GALNTL6: variants seen among roughly 807,000 people sequenced by gnomAD.
GALNTL6 encodes polypeptide N-acetylgalactosaminyltransferase like 6, also known as polypeptide N-acetylgalactosaminyltransferase-like 6.
GALNTL6 carries 46 observed loss-of-function variants against 73.7 expected under a neutral mutation model. The observed-to-expected ratio is 0.62, with a 90% CI of 0.49 to 0.80. GALNTL6 has a LOEUF of 0.80. Among genes scored for constraint, GALNTL6 ranks in the 30% least tolerant of loss-of-function variants. The pLI is 0.00. For synonymous variants in GALNTL6, 259 were observed against 263.7 expected, an observed-to-expected ratio of 0.98 and a Z score of 0.17; for missense variants, 604 against 755.0, an observed-to-expected ratio of 0.80 and a Z score of 2.34.
intron 5 of GALNTL6, among the ~76,000 whole-genome samples, chr4:172,491,092 T>G (rs1360507419): frequency 6.6e-6 from 1 of 152,094 alleles, no homozygotes; most frequent in African/African-American, 2.4e-5. Context: ...GCATTTTACA[T>G]GTGAGAAAAC....
chr4:172,719,795 A>C (rs1298881436), intron 5 of GALNTL6, among the ~76,000 whole-genome samples: 1 of 152,172 alleles, frequency 6.6e-6, no homozygotes, highest in Non-Finnish European at 1.5e-5. Flanking sequence ...AAGTAAAGGA[A>C]TAAAAGAATG....
chr4:172,123,230 T>C (rs536838239), intron 2 of GALNTL6, among the ~76,000 whole-genome samples: 5 of 152,326 alleles, frequency 3.3e-5, no homozygotes, highest in East Asian at 3.9e-4. Flanking sequence ...GTTTTATAAT[T>C]AATGCTTCCG....
At position 172,893,776 on chromosome 4, in the gene GALNTL6, G is replaced by A. The variant is rs189458830; in HGVS notation, c.1041+10869G>A. Among the ~76,000 whole-genome samples the A allele has an allele frequency of 2.3e-3, 343 of 152,260 alleles. 1 individual carries two copies. The highest frequency in any genetic ancestry group is 3.3e-3 in the Non-Finnish European group (223 of 68,004). ...ATTTTGTTGCAGCTGCAGTGTGCAC[G>A]GCAAAACCTTCTGGGATCCATGCAG... is the stretch of plus-strand genomic sequence containing the variant. On this transcript the variant is annotated intron_variant, in intron 8 of 12. Transcript: ENST00000506823.
At chr4:172,161,281 AC>A (rs1734459035) in intron 2 of GALNTL6, among the ~76,000 whole-genome samples, 1 of 152,038 alleles carries the variant, frequency 6.6e-6, no homozygotes, top group Admixed American at 6.6e-5. Context: ...GTATATGAAT[AC>A]CTTTATGTAT....
chr4:172,246,247 G>A (rs836322), intron 3 of GALNTL6, among the ~76,000 whole-genome samples: 78,259 of 151,848 alleles, frequency 0.52, 21,965 homozygotes, highest in East Asian at 0.86. Context: ...TGAGCCTTAG[G>A]GATCCAATTT....
At chr4:172,704,548 A>G (rs1253393915) in intron 5 of GALNTL6, among the ~76,000 whole-genome samples, 1 of 151,978 alleles carries the variant, frequency 6.6e-6, no homozygotes, top group Non-Finnish European at 1.5e-5. Flanking sequence ...TTATTCAATT[A>G]TGGTCAGAAA....
intron 12 of GALNTL6, among the ~76,000 whole-genome samples, chr4:173,022,778 T>A (rs1034201496): frequency 6.6e-6 from 1 of 152,168 alleles, no homozygotes; most frequent in East Asian, 1.9e-4. Context: ...CAAAAACATA[T>A]ATAAAGTCAC....
At position 172,489,669 on chromosome 4, in the gene GALNTL6, G is replaced by A. The variant is rs184822914; in HGVS notation, c.553+140980G>A. ...CATTATTTTTCTAAATGTATAATAT[G>A]GGACTAAACCTAATGAATACTCTTT... On this transcript the variant is annotated intron_variant, in intron 5 of 12. Coordinates refer to ENST00000506823, the MANE Select transcript of GALNTL6 (RefSeq NM_001034845.3). Among the ~76,000 whole-genome samples the A allele has an allele frequency of 3.5e-3, 535 of 152,188 alleles. 1 individual carries two copies. The highest frequency in any genetic ancestry group is 6.4e-3 in the Admixed American group (98 of 15,296).
chr4:172,833,056 G>A (rs1560982327), intron 7 of GALNTL6, among the ~76,000 whole-genome samples: 1 of 151,772 alleles, frequency 6.6e-6, no homozygotes, highest in Non-Finnish European at 1.5e-5. Context: ...CATATGGTGA[G>A]AGTGTGTGTG....
chr4:172,461,821 A>G (rs1251372088), intron 5 of GALNTL6, among the ~76,000 whole-genome samples: 3 of 152,146 alleles, frequency 2.0e-5, no homozygotes, highest in Non-Finnish European at 4.4e-5. Context: ...TTGTATTTCA[A>G]CTTCACTGGG....
intron 2 of GALNTL6, among the ~76,000 whole-genome samples, chr4:172,181,712 ATCT>A (rs1366695686): frequency 1.3e-5 from 2 of 150,386 alleles, no homozygotes; most frequent in African/African-American, 4.9e-5. Flanking sequence ...TCAGCCCCAA[ATCT>A]TCTTTTTTTT....
intron 5 of GALNTL6, among the ~76,000 whole-genome samples, chr4:172,653,224 CTTT>C (rs5864143): frequency 1.4e-5 from 2 of 143,662 alleles, no homozygotes; most frequent in African/African-American, 5.1e-5. Context: ...TCTCTTCTTC[CTTT>C]TTTTTTTTTG....
intron 7 of GALNTL6, among the ~76,000 whole-genome samples, chr4:172,857,581 A>G (rs1021892741): frequency 6.6e-6 from 1 of 152,248 alleles, no homozygotes; most frequent in African/African-American, 2.4e-5. Context: ...CTGAAAATAT[A>G]AAAGTGCACT....
chr4:171,903,556 G>T (rs911789718), intron 2 of GALNTL6, among the ~76,000 whole-genome samples: 1 of 148,322 alleles, frequency 6.7e-6, no homozygotes. Flanking sequence ...AGGCGGCAGC[G>T]AGGCTGGGGG....
At chr4:172,563,578 A>G (rs1395497980) in intron 5 of GALNTL6, among the ~76,000 whole-genome samples, 3 of 152,236 alleles carry the variant, frequency 2.0e-5, no homozygotes, top group Non-Finnish European at 4.4e-5. Context: ...AGCATGTGCA[A>G]TGCATTTGAT....
rs1171711675 is a variant in GALNTL6 at position 172,542,158 on chromosome 4, G to A, written c.553+193469G>A. Reference sequence around the variant, plus strand: ...AAGCAGAAAGGACCGGCTGGCGGCAGATGTGCCAAATTTTATAGTCAGGTT... The same window carrying A: ...AAGCAGAAAGGACCGGCTGGCGGCAAATGTGCCAAATTTTATAGTCAGGTT... On this transcript the variant is annotated intron_variant, in intron 5 of 12. Coordinates refer to ENST00000506823, the MANE Select transcript of GALNTL6 (RefSeq NM_001034845.3). Among the ~76,000 whole-genome samples, 4 of 151,754 alleles carry A rather than the reference G, an allele frequency of 2.6e-5. No individual in the cohort carries two copies. In the East Asian group the frequency reaches 7.8e-4, roughly 30 times the overall value.
At chr4:172,398,147 A>G (rs1743915893) in intron 5 of GALNTL6, among the ~76,000 whole-genome samples, 1 of 152,188 alleles carries the variant, frequency 6.6e-6, no homozygotes. Flanking sequence ...ACAAAATTCT[A>G]GCTGTCAACA....
intron 5 of GALNTL6, among the ~76,000 whole-genome samples, chr4:172,808,122 C>A (rs577191155): frequency 6.6e-6 from 1 of 152,286 alleles, no homozygotes; most frequent in Admixed American, 6.5e-5. Context: ...CATGCCCGGC[C>A]CCATCTGTAT....
intron 4 of GALNTL6, among the ~76,000 whole-genome samples, chr4:172,346,156 C>T (rs1741730967): frequency 2.0e-5 from 3 of 152,170 alleles, no homozygotes; most frequent in Non-Finnish European, 2.9e-5. Context: ...CTCTCATGAG[C>T]CTGTTCCTCC....
Sources: gnomAD v4.1 joint callset for allele counts (sites outside exome capture counted in the v4.1 genomes callset) on GRCh38, gnomAD v4.1.1 for gene constraint, MANE v1.5 for transcripts, NCBI Gene and HGNC (gene_info 2026-07-23, HGNC 2026-07-21) for gene names.